METTL15: variants seen among roughly 807,000 people sequenced by gnomAD.
The protein encoded by METTL15 is methyltransferase 15, mitochondrial 12S rRNA N4-cytidine.
A neutral mutation model predicts 38.3 loss-of-function variants in METTL15; 34 were observed. The ratio of observed to expected loss-of-function variants is 0.89; its 90% CI spans 0.68 to 1.18. METTL15 has a LOEUF of 1.18. Ranked by LOEUF, METTL15 falls within the 50% of genes most tolerant of loss-of-function variation. METTL15 has a pLI of 0.00. For missense variants in METTL15, 438 were observed against 498.4 expected (o/e 0.88, Z 1.15); for synonymous variants, 162 against 170.9 (o/e 0.95, Z 0.41).
chr11:28,326,257 CCAG>C (rs1849631191), intron 6 of METTL15, among the ~76,000 whole-genome samples: 1 of 151,946 alleles, frequency 6.6e-6, no homozygotes, highest in African/African-American at 2.4e-5. Context: ...CATTCAGAGT[CCAG>C]CATAAGAGTA....
At chr11:28,208,204 G>A (rs899483465) in intron 3 of METTL15, among the ~76,000 whole-genome samples, 1 of 151,868 alleles carries the variant, frequency 6.6e-6, no homozygotes, top group Non-Finnish European at 1.5e-5. Flanking sequence ...GTGATGTTAG[G>A]GTGTCAGTTT....
chr11:28,253,215 G>A (rs1057197747), intron 4 of METTL15, among the ~76,000 whole-genome samples: 2 of 152,132 alleles, frequency 1.3e-5, no homozygotes, highest in Non-Finnish European at 2.9e-5. Flanking sequence ...AAAACCGAAA[G>A]ATATTTTCCT....
intron 6 of METTL15, among the ~76,000 whole-genome samples, chr11:28,514,368 C>T (rs540963220): frequency 6.6e-6 from 1 of 152,286 alleles, no homozygotes; most frequent in East Asian, 1.9e-4. Flanking sequence ...GAGACTGCTG[C>T]AGCCACAAGG....
At chr11:28,479,910 T>C (rs1851381267) in intron 6 of METTL15, among the ~76,000 whole-genome samples, 1 of 152,236 alleles carries the variant, frequency 6.6e-6, no homozygotes, top group South Asian at 2.1e-4. Context: ...AAAGTGCTTT[T>C]GTTGATTTTT....
At chr11:28,220,140 T>A (rs1853125570) in intron 4 of METTL15, among the ~76,000 whole-genome samples, 2 of 152,346 alleles carry the variant, frequency 1.3e-5, no homozygotes, top group East Asian at 3.9e-4. Context: ...CTTGTTGATC[T>A]GTCTAATGTT....
intron 4 of METTL15, among the ~76,000 whole-genome samples, chr11:28,275,226 A>C (rs1450873983): frequency 6.6e-6 from 1 of 151,760 alleles, no homozygotes; most frequent in Non-Finnish European, 1.5e-5. Context: ...TAGTTCGACT[A>C]ACCAAGAAAA....
At chr11:28,306,573 C>G (rs1187368462) in intron 6 of METTL15, among the ~76,000 whole-genome samples, 3 of 151,848 alleles carry the variant, frequency 2.0e-5, no homozygotes, top group Non-Finnish European at 4.4e-5. Context: ...TTTACTTCAC[C>G]CAAAAATATT....
At chr11:28,291,534 T>C (rs1013659166) in intron 5 of METTL15, among the ~76,000 whole-genome samples, 1 of 152,160 alleles carries the variant, frequency 6.6e-6, no homozygotes, top group African/African-American at 2.4e-5. Flanking sequence ...ATAGCCTTTT[T>C]CCCTATGTTG....
intron 4 of METTL15, among the ~76,000 whole-genome samples, chr11:28,264,387 TTGTC>T (rs1408804831): frequency 2.1e-4 from 32 of 152,090 alleles, no homozygotes. Context: ...TAATTAGTAG[TTGTC>T]TGTTTTTTTA....
At chr11:28,162,832 TTGTC>T (rs1228801560) in intron 3 of METTL15, among the ~76,000 whole-genome samples, 5 of 152,070 alleles carry the variant, frequency 3.3e-5, no homozygotes, top group African/African-American at 4.8e-5. Context: ...AACAGAACGT[TTGTC>T]TGGGTATTCA....
intron 3 of METTL15, chr11:28,163,843 A>G (rs550189003): frequency 3.0e-5 from 5 of 166,496 alleles, no homozygotes; most frequent in South Asian, 2.0e-4. Context: ...ACAACTGAAC[A>G]TATGTCCCCT....
At chr11:28,429,455 T>G (rs1411244159) in intron 6 of METTL15, among the ~76,000 whole-genome samples, 1 of 124,912 alleles carries the variant, frequency 8.0e-6, no homozygotes, top group Admixed American at 8.7e-5. Flanking sequence ...CTCGGCTCAC[T>G]GCAACCTCCC....
rs1204195918 is a variant in METTL15, at chr11:28,333,402, G to A, written c.*2561G>A. The A allele has an allele frequency of 1.3e-5, 2 of 152,170 alleles. No homozygotes were observed. The highest frequency in any genetic ancestry group is 1.3e-4 in the Admixed American group (2 of 15,280). The allele number at this position is 152,170 out of a possible 1,614,324, so 9.4% of individuals were successfully genotyped here. On this transcript the variant is annotated 3_prime_UTR_variant, in exon 7 of 7. Coordinates refer to ENST00000407364, the MANE Select transcript of METTL15 (RefSeq NM_001113528.2). Reference sequence around the variant, plus strand: ...AAAATACATGAATGAGTTTTAAATGGTTAGCTTTGGAGAATGGTTTTGGGA... The same window carrying A: ...AAAATACATGAATGAGTTTTAAATGATTAGCTTTGGAGAATGGTTTTGGGA...
At chr11:28,306,113 G>A (rs1355895401) in intron 6 of METTL15, among the ~76,000 whole-genome samples, 3 of 151,972 alleles carry the variant, frequency 2.0e-5, no homozygotes, top group Non-Finnish European at 2.9e-5. Flanking sequence ...GTAATTTAGT[G>A]TAACCACGTA....
At chr11:28,391,452 T>A (rs2133394149) in intron 5 of METTL15, among the ~76,000 whole-genome samples, 1 of 152,226 alleles carries the variant, frequency 6.6e-6, no homozygotes, top group South Asian at 2.1e-4. Flanking sequence ...ATTGTGGAAT[T>A]TTGTCAAAGA....
intron 6 of METTL15, among the ~76,000 whole-genome samples, chr11:28,475,990 A>T (rs1590387715): frequency 6.6e-6 from 1 of 152,158 alleles, no homozygotes; most frequent in African/African-American, 2.4e-5. Flanking sequence ...GGAAACAGTG[A>T]TCTTCAGCTG....
chr11:28,269,643 A>T (rs1439599820), intron 4 of METTL15, among the ~76,000 whole-genome samples: 2 of 152,140 alleles, frequency 1.3e-5, no homozygotes, highest in African/African-American at 2.4e-5. Context: ...GCCTCTTAAC[A>T]TTTGTTTACT....
intron 3 of METTL15, chr11:28,125,583 A>C (rs889876536): frequency 6.6e-6 from 1 of 152,090 alleles, no homozygotes; most frequent in Non-Finnish European, 1.5e-5. Context: ...ATATGGAAAA[A>C]AATCAAAACC....
At chr11:28,484,640 C>A (rs1851423354) in intron 6 of METTL15, among the ~76,000 whole-genome samples, 1 of 152,120 alleles carries the variant, frequency 6.6e-6, no homozygotes, top group Non-Finnish European at 1.5e-5. Flanking sequence ...AGATCTATCT[C>A]CCTTGGTTTC....
Sources: allele counts gnomAD v4.1 joint callset (sites outside exome capture counted in the v4.1 genomes callset), GRCh38; gene constraint gnomAD v4.1.1; transcripts MANE v1.5; gene names NCBI Gene and HGNC (gene_info 2026-07-23, HGNC 2026-07-21).